The following GARNL3 variants were observed in gnomAD, a reference collection of about 807,000 sequenced individuals.
The protein encoded by GARNL3 is GTPase-activating Rap/Ran-GAP domain-like protein 3.
In GARNL3, 63 loss-of-function variants were observed where a neutral mutation model predicts 125.0. The ratio of observed to expected loss-of-function variants is 0.50; its 90% confidence interval spans 0.41 to 0.62. GARNL3 has a LOEUF of 0.62. Ranked by LOEUF, GARNL3 falls within the 20% of genes least tolerant of loss-of-function variation. The pLI, the probability that GARNL3 is intolerant of heterozygous loss-of-function variation, is 0.00. For missense variants in GARNL3, 994 were observed against 1,244.0 expected (o/e 0.80, Z 3.02); for synonymous variants, 439 against 457.5 (o/e 0.96, Z 0.52).
At chr9:127,336,646 G>A (rs1158919057) in intron 11 of GARNL3, among the ~76,000 whole-genome samples, 3 of 152,280 alleles carry the variant, frequency 2.0e-5, no homozygotes, top group East Asian at 1.9e-4. Flanking sequence ...CCTGGTAATC[G>A]CTGTTGTATT....
intron 1 of GARNL3, among the ~76,000 whole-genome samples, chr9:127,279,019 C>G (rs1355900443): frequency 6.6e-6 from 1 of 152,136 alleles, no homozygotes; most frequent in African/African-American, 2.4e-5. Context: ...TCTGCAAAGA[C>G]CCCATTTGCA....
intron 16 of GARNL3, among the ~76,000 whole-genome samples, chr9:127,347,416 C>T (rs966886619): frequency 2.6e-5 from 4 of 151,892 alleles, no homozygotes; most frequent in South Asian, 4.2e-4. Flanking sequence ...AGCAAGACCT[C>T]GTCTCAAAAT....
intron 1 of GARNL3, among the ~76,000 whole-genome samples, chr9:127,273,605 A>G (rs1410518757): frequency 6.6e-6 from 1 of 152,120 alleles, no homozygotes; most frequent in Non-Finnish European, 1.5e-5. Flanking sequence ...GCTTTTCTTG[A>G]CTTGTACCAT....
At chr9:127,387,979 T>TA (rs1016495126) in intron 25 of GARNL3, among the ~76,000 whole-genome samples, 10 of 149,900 alleles carry the variant, frequency 6.7e-5, no homozygotes, top group South Asian at 4.2e-4. Context: ...ACCCTGTCTC[T>TA]AAAAAAAAAT....
At chr9:127,256,480 A>C (rs1371691352) in intron 2 of GARNL3, among the ~76,000 whole-genome samples, 2 of 152,170 alleles carry the variant, frequency 1.3e-5, no homozygotes, top group Admixed American at 1.3e-4. Context: ...TTGCTTGCAC[A>C]ATATTTTTGT....
rs1230154329 is a variant in GARNL3 at position 127,271,078 on chromosome 9, G to T, written c.144+6057G>T. The stretch of plus-strand genomic sequence containing the variant: ...GTGGACAGGGCAGATTTTCTCTGGA[G>T]ATGATATAGACAAGTCAGTTTCAAA... On this transcript the variant is annotated intron_variant, in intron 1 of 27. Transcript: ENST00000373387. 1.3e-5 allele frequency among the ~76,000 whole-genome samples: 2 copies of T among 150,160 alleles called. 1 individual carries two copies. The highest frequency in any genetic ancestry group is 5.1e-5 in the African/African-American group (2 of 39,502).
chr9:127,226,228 G>GA (rs2062911748), intron 1 of GARNL3, among the ~76,000 whole-genome samples: 1 of 152,250 alleles, frequency 6.6e-6, no homozygotes, highest in African/African-American at 2.4e-5. Flanking sequence ...GACAGAGAGA[G>GA]AGAAGGATGT....
chr9:127,351,632 C>A (rs866510306), intron 17 of GARNL3, among the ~76,000 whole-genome samples: 10 of 152,290 alleles, frequency 6.6e-5, no homozygotes, highest in African/African-American at 1.7e-4. Context: ...TTGTTTCAGA[C>A]TGAGTTCCAC....
At chr9:127,284,598 T>C (rs1282143221) in intron 1 of GARNL3, among the ~76,000 whole-genome samples, 1 of 152,034 alleles carries the variant, frequency 6.6e-6, no homozygotes, top group African/African-American at 2.4e-5. Context: ...TTTTTATCCT[T>C]TTTTGTTTGA....
upstream of GARNL3, among the ~76,000 whole-genome samples, chr9:127,259,067 A>G (rs1402432161): frequency 3.3e-5 from 5 of 152,208 alleles, no homozygotes. Flanking sequence ...TGAGGTCAGC[A>G]CTAATCTCAG....
At chr9:127,224,905 C>T (rs1321237128) in intron 1 of GARNL3, among the ~76,000 whole-genome samples, 2 of 15,060 alleles carry the variant, frequency 1.3e-4, no homozygotes, top group South Asian at 2.7e-3. Flanking sequence ...TACCGGAGCG[C>T]GGGGCGGGGC....
At chr9:127,344,407 C>T (rs773293727) in intron 15 of GARNL3, 68 bp downstream of exon 15, 2 of 1,049,628 alleles carry the variant, frequency 1.9e-6, no homozygotes, top group South Asian at 1.3e-5. Flanking sequence ...CCAGATGGCC[C>T]ATGTGCAAAG....
At chr9:127,339,186 A>G (rs995445375) in intron 12 of GARNL3, among the ~76,000 whole-genome samples, 1 of 151,884 alleles carries the variant, frequency 6.6e-6, no homozygotes, top group Non-Finnish European at 1.5e-5. Flanking sequence ...AGTCCCAGCT[A>G]CTTGGGAGGC....
At chr9:127,387,599 C>T (rs528815627) in intron 25 of GARNL3, among the ~76,000 whole-genome samples, 1 of 151,728 alleles carries the variant, frequency 6.6e-6, no homozygotes, top group Non-Finnish European at 1.5e-5. Flanking sequence ...AAAAATTAGC[C>T]GGGTGTGGTG....
intron 1 of GARNL3, among the ~76,000 whole-genome samples, chr9:127,270,453 C>G (rs969453407): frequency 6.6e-6 from 1 of 152,214 alleles, no homozygotes; most frequent in Non-Finnish European, 1.5e-5. Flanking sequence ...TTCTTTCATG[C>G]CGCTTCCTCA....
intron 10 of GARNL3, 47 bp from the exon 11 acceptor site, chr9:127,336,081 C>A: frequency 7.5e-7 from 1 of 1,333,676 alleles, no homozygotes; most frequent in Non-Finnish European, 1.1e-6. Context: ...TGTGAATGTG[C>A]CATGTTTGAG....
chr9:127,339,565 A>G (rs1367368229), intron 12 of GARNL3, 80 bp from the exon 13 acceptor site: 15 of 974,900 alleles, frequency 1.5e-5, no homozygotes, highest in East Asian at 9.6e-5. Context: ...TGGGAGATAC[A>G]ATTCAAGTGG....
rs2063075832 is a variant in GARNL3 at position 127,234,484 on chromosome 9, T to C, written c.-28-8595T>C. On this transcript the variant is annotated intron_variant, in intron 1 of 10. Transcript: ENST00000439286. The stretch of plus-strand genomic sequence containing the variant: ...CAGAGATATACAGAGGCAGAGAGTG[T>C]AGAGATGTGGGAAAATAGAAACCCC... Among the ~76,000 whole-genome samples the C allele has an allele frequency of 3.9e-5, 6 of 152,250 alleles. No individual in the cohort carries two copies. In the South Asian group the frequency reaches 1.2e-3, roughly 32 times the overall value.
intron 2 of GARNL3, among the ~76,000 whole-genome samples, chr9:127,304,150 T>A (rs1275595780): frequency 6.6e-6 from 1 of 152,248 alleles, no homozygotes; most frequent in East Asian, 1.9e-4. Flanking sequence ...AAATGAATAA[T>A]GTGTTCCTGT....
Sources: allele counts gnomAD v4.1 joint callset (sites outside exome capture counted in the v4.1 genomes callset), GRCh38; gene constraint gnomAD v4.1.1; transcripts MANE v1.5; gene names NCBI Gene and HGNC (gene_info 2026-07-23, HGNC 2026-07-21).